PTPRR: variants seen among roughly 807,000 people sequenced by gnomAD.
The protein encoded by PTPRR is protein tyrosine phosphatase receptor type R.
A neutral mutation model predicts 77.2 loss-of-function variants in PTPRR; 38 were observed. The ratio of observed to expected loss-of-function variants is 0.49; its 90% CI spans 0.38 to 0.65. PTPRR has a LOEUF of 0.65. PTPRR is among the 30% of genes least tolerant of loss of function. The pLI is 0.00. For synonymous variants in PTPRR, 299 were observed against 283.1 expected, an observed-to-expected ratio of 1.06 and a Z score of -0.57; for missense variants, 744 against 799.2, an observed-to-expected ratio of 0.93 and a Z score of 0.83.
At chr12:70,752,756 A>G (rs1238108594) in intron 5 of PTPRR, among the ~76,000 whole-genome samples, 2 of 152,186 alleles carry the variant, frequency 1.3e-5, no homozygotes, top group Non-Finnish European at 2.9e-5. Context: ...CAAAGCAGAA[A>G]AATACCCTAA....
chr12:70,874,358 C>CAG (rs912494893), intron 2 of PTPRR, among the ~76,000 whole-genome samples: 18 of 152,110 alleles, frequency 1.2e-4, no homozygotes, highest in Non-Finnish European at 2.9e-5. Context: ...CCAAGATATT[C>CAG]AGAGAGAGTC....
At chr12:70,707,567 T>C (rs1436278772) in intron 6 of PTPRR, among the ~76,000 whole-genome samples, 1 of 152,158 alleles carries the variant, frequency 6.6e-6, no homozygotes, top group Admixed American at 6.6e-5. Flanking sequence ...TTTCAATTTT[T>C]TCACCATTAT....
intron 13 of PTPRR, among the ~76,000 whole-genome samples, chr12:70,655,512 G>A (rs1309519274): frequency 6.6e-6 from 1 of 152,204 alleles, no homozygotes; most frequent in Non-Finnish European, 1.5e-5. Context: ...ATCAATTGAT[G>A]AATGGATAAA....
At chr12:70,734,446 C>T (rs932568219) in intron 6 of PTPRR, among the ~76,000 whole-genome samples, 1 of 152,046 alleles carries the variant, frequency 6.6e-6, no homozygotes, top group East Asian at 1.9e-4. Context: ...ATGGAGAGTA[C>T]CCTGTAAAGC....
chr12:70,823,100 C>T (rs1323730946), intron 2 of PTPRR, among the ~76,000 whole-genome samples: 1 of 131,044 alleles, frequency 7.6e-6, no homozygotes, highest in Non-Finnish European at 1.6e-5. Context: ...CTTGCTGTCT[C>T]TCTCTCTGAC....
intron 10 of PTPRR, among the ~76,000 whole-genome samples, chr12:70,665,467 C>A (rs1886955965): frequency 1.4e-5 from 2 of 144,254 alleles, no homozygotes; most frequent in Non-Finnish European, 1.5e-5. Context: ...CTGCAACCTC[C>A]ACCTCCCGGG....
At chr12:70,791,503 T>C (rs1321914508) in intron 2 of PTPRR, among the ~76,000 whole-genome samples, 1 of 152,160 alleles carries the variant, frequency 6.6e-6, no homozygotes, top group East Asian at 1.9e-4. Flanking sequence ...TTTTTTTCCT[T>C]AGCACTTCTC....
intron 6 of PTPRR, among the ~76,000 whole-genome samples, chr12:70,712,642 A>T (rs1402533250): frequency 6.6e-6 from 1 of 151,850 alleles, no homozygotes; most frequent in Non-Finnish European, 1.5e-5. Flanking sequence ...CTGGAATGCA[A>T]AATATACACA....
chr12:70,900,447 CACA>C (rs1893512276), intron 1 of PTPRR, among the ~76,000 whole-genome samples: 1 of 151,250 alleles, frequency 6.6e-6, no homozygotes, highest in African/African-American at 2.4e-5. Context: ...CAAAAATCTC[CACA>C]ACATTAGTCT....
intron 12 of PTPRR, among the ~76,000 whole-genome samples, chr12:70,658,843 C>T (rs1164396833): frequency 9.5e-5 from 12 of 126,858 alleles, no homozygotes; most frequent in Admixed American, 2.7e-4. Flanking sequence ...CTGACCTCTG[C>T]GGTTTATGGA....
chr12:70,872,680 G>A (rs1341664011), intron 2 of PTPRR, among the ~76,000 whole-genome samples: 1 of 92,952 alleles, frequency 1.1e-5, no homozygotes, highest in Non-Finnish European at 2.0e-5. Context: ...GGGCGACAGA[G>A]TGAGACTCTG....
intron 1 of PTPRR, among the ~76,000 whole-genome samples, chr12:70,908,418 C>T (rs1893654018): frequency 6.6e-6 from 1 of 152,136 alleles, no homozygotes; most frequent in Admixed American, 6.5e-5. Context: ...AGAAAACTTA[C>T]AATCGGCAGA....
At chr12:70,877,677 G>A (rs1355243038) in intron 2 of PTPRR, among the ~76,000 whole-genome samples, 1 of 152,074 alleles carries the variant, frequency 6.6e-6, no homozygotes, top group Non-Finnish European at 1.5e-5. Flanking sequence ...TACTGCCCAA[G>A]GTAATTTATA....
At chr12:70,693,337 T>C (rs935408622) in intron 8 of PTPRR, among the ~76,000 whole-genome samples, 2 of 152,022 alleles carry the variant, frequency 1.3e-5, no homozygotes, top group South Asian at 2.1e-4. Context: ...CCAGGCTGAA[T>C]TGCAGTGGCT....
At chr12:70,655,585 T>G (rs1003955349) in intron 13 of PTPRR, among the ~76,000 whole-genome samples, 5 of 152,204 alleles carry the variant, frequency 3.3e-5, no homozygotes, top group African/African-American at 1.2e-4. Flanking sequence ...TTCTGACACA[T>G]GCTACAACAT....
intron 10 of PTPRR, among the ~76,000 whole-genome samples, chr12:70,681,617 T>C (rs924908944): frequency 6.6e-6 from 1 of 152,178 alleles, no homozygotes; most frequent in Non-Finnish European, 1.5e-5. Flanking sequence ...AGGATTTCTG[T>C]CTCTCTCCTA....
chr12:70,916,251 G>A (rs1486388257), intron 1 of PTPRR, among the ~76,000 whole-genome samples: 1 of 151,978 alleles, frequency 6.6e-6, no homozygotes. Context: ...GGAGACACCT[G>A]GAGAAAGAAA....
chr12:70,700,408 A>G (rs1474022014), intron 7 of PTPRR, among the ~76,000 whole-genome samples: 2 of 152,144 alleles, frequency 1.3e-5, no homozygotes, highest in African/African-American at 4.8e-5. Flanking sequence ...GTATGTCTAA[A>G]ACTGAATTCA....
intron 2 of PTPRR, among the ~76,000 whole-genome samples, chr12:70,794,269 T>C (rs1416340060): frequency 1.3e-5 from 2 of 152,184 alleles, no homozygotes; most frequent in Non-Finnish European, 2.9e-5. Flanking sequence ...AGAATGGCCA[T>C]TGCTAGAAAT....
Sources: gnomAD v4.1 joint callset for allele counts (sites outside exome capture counted in the v4.1 genomes callset) on GRCh38, gnomAD v4.1.1 for gene constraint, MANE v1.5 for transcripts, NCBI Gene and HGNC (gene_info 2026-07-23, HGNC 2026-07-21) for gene names.